The following DCUN1D5 variants were observed in gnomAD, a reference collection of about 807,000 sequenced individuals.
The protein encoded by DCUN1D5 is DCN1-like protein 5.
Under a neutral mutation model 38.3 loss-of-function variants are expected in DCUN1D5, and 10 were observed. The observed-to-expected ratio is 0.26, with a 90% CI of 0.16 to 0.44. The LOEUF is 0.44. Ranked by LOEUF, DCUN1D5 falls within the 20% of genes least tolerant of loss-of-function variation. The pLI, the probability that DCUN1D5 is intolerant of heterozygous loss-of-function variation, is 1.00. For missense variants in DCUN1D5, 148 were observed against 275.3 expected (o/e 0.54, Z 3.27); for synonymous variants, 93 against 90.9 (o/e 1.02, Z -0.13).
rs548369753 is a variant in DCUN1D5 at position 103,087,623 on chromosome 11, G to A, written c.178+1604C>T. Among the ~76,000 whole-genome samples the A allele has an allele frequency of 2.6e-5, 4 of 152,172 alleles. No homozygotes were observed. Among genetic ancestry groups the A allele is most frequent in the Admixed American group, 6.5e-5 (1 of 15,284 alleles). On this transcript the variant is annotated intron_variant, in intron 2 of 7. Coordinates refer to ENST00000260247, the MANE Select transcript of DCUN1D5 (RefSeq NM_032299.4). This position sits in a 1 kb window ranked among gnomAD's most constrained non-coding sequence, Gnocchi z 4.1. ...CATGATCACAGCACTGCGCTCCAGC[G>A]TGGGCGACACAGTGAGACCCTGTCT... is the stretch of plus-strand genomic sequence containing the variant.
chr11:103,065,290 T>C lies in DCUN1D5; in HGVS notation c.556-913A>G, dbSNP rs1369314448. 6.6e-6 allele frequency among the ~76,000 whole-genome samples: 1 copy of C among 152,154 alleles called. No homozygotes were observed. The highest frequency in any genetic ancestry group is 1.5e-5 in the Non-Finnish European group (1 of 68,026). Reference sequence around the variant, plus strand: ...CCTCAGCCTCCCGAGTAGCTGGGACTACAGGCACAAACCACCACACCCAGC... The same window carrying C: ...CCTCAGCCTCCCGAGTAGCTGGGACCACAGGCACAAACCACCACACCCAGC... On this transcript the variant is annotated intron_variant, in intron 6 of 7. Coordinates refer to ENST00000260247, the MANE Select transcript of DCUN1D5 (RefSeq NM_032299.4). This position sits in a 1 kb window ranked among gnomAD's most constrained non-coding sequence, Gnocchi z 4.6.
Position 103,053,374 on chromosome 11 carries a change from A to C in DCUN1D5, c.*8985T>G, listed in dbSNP as rs999515760. On this transcript the variant is annotated 3_prime_UTR_variant, in exon 8 of 8. Transcript: ENST00000260247. The surrounding 1 kb of genome is among the most constrained non-coding windows in gnomAD (Gnocchi z 4.8). Reference sequence around the variant, plus strand: ...TGACATTACAGATTAATTTCCTAAGAGATTTGCATTTCTAAATATGTCTAT... The same window carrying C: ...TGACATTACAGATTAATTTCCTAAGCGATTTGCATTTCTAAATATGTCTAT... The C allele has an allele frequency of 6.6e-6, 1 of 152,132 alleles. No individual in the cohort carries two copies. The highest frequency in any genetic ancestry group is 1.5e-5 in the Non-Finnish European group (1 of 67,966). 9.4% of individuals were successfully genotyped at this position (152,132 alleles called of 1,614,324 possible).
rs1565296935 is a variant in DCUN1D5 at position 103,092,022 on chromosome 11, C to T, written c.-150G>A. Reference sequence around the variant, plus strand: ...CCCGCACCGGCGCGGCCCAGCCCGGCCGCCGCCCGCTCCCAGGTATCCTCG... The same window carrying T: ...CCCGCACCGGCGCGGCCCAGCCCGGTCGCCGCCCGCTCCCAGGTATCCTCG... On this transcript the variant is annotated 5_prime_UTR_variant, in exon 1 of 8. Coordinates refer to ENST00000260247, the MANE Select transcript of DCUN1D5 (RefSeq NM_032299.4). 6 of 660,228 alleles carry T rather than the reference C, an allele frequency of 9.1e-6. 1 individual carries two copies. The allele number at this position is 660,228 out of a possible 1,614,324, so 40.9% of individuals were successfully genotyped here. A position where few individuals can be genotyped will look rare whatever the true frequency, so the allele number is the denominator to read the frequency against.
At chr11:103,072,054 A>G (rs1166169973) in intron 4 of DCUN1D5, among the ~76,000 whole-genome samples, 1 of 151,916 alleles carries the variant, frequency 6.6e-6, no homozygotes, top group Admixed American at 6.6e-5. Flanking sequence ...AAAAAAAAAA[A>G]TAGAGGGGAG....
rs1861971340 is a variant in DCUN1D5 at position 103,059,967 on chromosome 11, AAC to A, written c.*2390_*2391del. ...GCTAACTAGTCAAAAAAGGAACCAC[AAC>A]AGTTAGACTTTTTTATACTGCAGGG... On this transcript the variant is annotated 3_prime_UTR_variant, in exon 8 of 8. Coordinates refer to ENST00000260247, the MANE Select transcript of DCUN1D5 (RefSeq NM_032299.4). Among the ~76,000 whole-genome samples the A allele has an allele frequency of 6.6e-6, 1 of 152,194 alleles. No individual in the cohort carries two copies. The highest frequency in any genetic ancestry group is 2.4e-5 in the African/African-American group (1 of 41,458).
At position 103,091,903 on chromosome 11, in the gene DCUN1D5, G is replaced by T. The variant is rs770287777; in HGVS notation, c.-31C>A. The T allele has an allele frequency of 6.2e-7, 1 of 1,600,478 alleles. No individual in the cohort carries two copies. The highest frequency in any genetic ancestry group is 1.1e-5 in the South Asian group (1 of 89,642). On this transcript the variant is annotated 5_prime_UTR_variant, in exon 1 of 8. Coordinates refer to ENST00000260247, the MANE Select transcript of DCUN1D5 (RefSeq NM_032299.4). This position sits in a 1 kb window ranked among gnomAD's most constrained non-coding sequence, Gnocchi z 4.3. ...GCCCTCCCCGGCAGGGTGGGCAGGGGAGCCGGGGAAGGGGGTCCCTGTCCG... is the reference window on the plus strand; with the variant it reads ...GCCCTCCCCGGCAGGGTGGGCAGGGTAGCCGGGGAAGGGGGTCCCTGTCCG...
In DCUN1D5 at chr11:103,065,024, TA is replaced by T. The variant is rs1368607500; in HGVS notation, c.556-648del. 1.3e-5 allele frequency among the ~76,000 whole-genome samples: 2 copies of T among 152,236 alleles called. No homozygotes were observed. Among genetic ancestry groups the T allele is most frequent in the Non-Finnish European group, 2.9e-5 (2 of 68,036 alleles). On this transcript the variant is annotated intron_variant, in intron 6 of 7. Transcript: ENST00000260247. The surrounding 1 kb of genome is among the most constrained non-coding windows in gnomAD (Gnocchi z 4.6). Reference sequence around the variant, plus strand: ...AGAGCTGAATATTTTTACATTCAGTTAAATTTATTTTTGCCCAAAACTACTA... The same window carrying T: ...AGAGCTGAATATTTTTACATTCAGTTAATTTATTTTTGCCCAAAACTACTA...
chr11:103,064,333 T>C lies in DCUN1D5; in HGVS notation c.600A>G (p.Val200=). The change falls in exon 7 of 8, where the codon GTA becomes GTG. Residue 200 remains valine (V), a synonymous_variant. Coordinates refer to ENST00000260247, the MANE Select transcript of DCUN1D5 (RefSeq NM_032299.4). This position sits in a 1 kb window ranked among gnomAD's most constrained non-coding sequence, Gnocchi z 4.5. The part of the protein sequence containing the change: ...RVMNKDQWYN[V]LEFSRTVHAD... ...CATGGACTGTTCTGCTGAATTCTAA[T>C]ACATTGTACCATTGATCTTTGTTCA... 1.2e-6 allele frequency: 2 copies of C among 1,610,858 alleles called. No homozygotes were observed. Among genetic ancestry groups the C allele is most frequent in the Non-Finnish European group, 1.7e-6 (2 of 1,178,946 alleles).
intron 4 of DCUN1D5, among the ~76,000 whole-genome samples, chr11:103,074,943 GTAAAA>G (rs1488924076): frequency 5.9e-5 from 9 of 152,264 alleles, no homozygotes; most frequent in African/African-American, 2.2e-4. Context: ...TGAGGTTTGT[GTAAAA>G]TTTCTCTATG....
At chr11:103,070,313 T>C (rs1029293637) in intron 4 of DCUN1D5, among the ~76,000 whole-genome samples, 1 of 152,056 alleles carries the variant, frequency 6.6e-6, no homozygotes, top group Admixed American at 6.6e-5. Context: ...TAGAAGAAAC[T>C]TTAACTTCAA....
rs1862077618 is a variant in DCUN1D5 at position 103,064,054 on chromosome 11, T to C, written c.658+221A>G. 6.6e-6 allele frequency among the ~76,000 whole-genome samples: 1 copy of C among 152,144 alleles called. No individual in the cohort carries two copies. Among genetic ancestry groups the C allele is most frequent in the African/African-American group, 2.4e-5 (1 of 41,456 alleles). ...ATAATTTAAATTTAGCTAAAATGTT[T>C]GGTTGCCGAGGAACTGAAAACATTT... On this transcript the variant is annotated intron_variant, in intron 7 of 7. Coordinates refer to ENST00000260247, the MANE Select transcript of DCUN1D5 (RefSeq NM_032299.4). This position sits in a 1 kb window ranked among gnomAD's most constrained non-coding sequence, Gnocchi z 4.5.
In DCUN1D5 at chr11:103,064,738, A is replaced by G. The variant is rs1033893519; in HGVS notation, c.556-361T>C. 2.0e-5 allele frequency among the ~76,000 whole-genome samples: 3 copies of G among 152,172 alleles called. No homozygotes were observed. Among genetic ancestry groups the G allele is most frequent in the African/African-American group, 7.2e-5 (3 of 41,444 alleles). On this transcript the variant is annotated intron_variant, in intron 6 of 7. Coordinates refer to ENST00000260247, the MANE Select transcript of DCUN1D5 (RefSeq NM_032299.4). The surrounding 1 kb of genome is among the most constrained non-coding windows in gnomAD (Gnocchi z 4.5). ...TTCCTAGTAAATCATTTCTTTGCTC[A>G]AGATTTACTGTTTAGCCACATTTTG...
Position 103,075,987 on chromosome 11 carries a change from T to C in DCUN1D5, c.341+6761A>G, listed in dbSNP as rs1424754618. Among the ~76,000 whole-genome samples, 3 of 152,228 alleles carry C rather than the reference T, an allele frequency of 2.0e-5. No individual in the cohort carries two copies. In the South Asian group the frequency reaches 6.2e-4, roughly 32 times the overall value. On this transcript the variant is annotated intron_variant, in intron 4 of 7. Transcript: ENST00000260247. ...CATGGGGATATGCAAAGCAAATTTCTCAGATTACATGCCACTATAATGTTT... is the reference window on the plus strand; with the variant it reads ...CATGGGGATATGCAAAGCAAATTTCCCAGATTACATGCCACTATAATGTTT...
In DCUN1D5 at chr11:103,087,403, C is replaced by T. The variant is rs1862740436; in HGVS notation, c.178+1824G>A. 1.3e-5 allele frequency among the ~76,000 whole-genome samples: 2 copies of T among 152,096 alleles called. No homozygotes were observed. The highest frequency in any genetic ancestry group is 1.3e-4 in the Admixed American group (2 of 15,274). ...ACCAGGATGGTCTCGATCTCCTGACCTCGTGATCTGCCTACCTTGGCCTCC... is the reference window on the plus strand; with the variant it reads ...ACCAGGATGGTCTCGATCTCCTGACTTCGTGATCTGCCTACCTTGGCCTCC... On this transcript the variant is annotated intron_variant, in intron 2 of 7. Coordinates refer to ENST00000260247, the MANE Select transcript of DCUN1D5 (RefSeq NM_032299.4). The surrounding 1 kb of genome is among the most constrained non-coding windows in gnomAD (Gnocchi z 4.1).
rs1862278856 is a variant in DCUN1D5 at position 103,071,779 on chromosome 11, T to C, written c.342-5212A>G. On this transcript the variant is annotated intron_variant, in intron 4 of 7. Coordinates refer to ENST00000260247, the MANE Select transcript of DCUN1D5 (RefSeq NM_032299.4). This position sits in a 1 kb window ranked among gnomAD's most constrained non-coding sequence, Gnocchi z 4.1. ...TTATTAACGAAATTGAACTCAAAAT[T>C]TTTAAACTTTCAAAAAAGAAACTCC... Among the ~76,000 whole-genome samples the C allele has an allele frequency of 6.6e-6, 1 of 151,078 alleles. No individual in the cohort carries two copies. The highest frequency in any genetic ancestry group is 1.5e-5 in the Non-Finnish European group (1 of 67,692).
At position 103,058,176 on chromosome 11, in the gene DCUN1D5, C is replaced by T. The variant is rs1363878799; in HGVS notation, c.*4183G>A. The stretch of plus-strand genomic sequence containing the variant: ...ATTTAACACATGGTAAATCAGAAAC[C>T]ATGTAAAAATGAGCCATATTATAAG... On this transcript the variant is annotated 3_prime_UTR_variant, in exon 8 of 8. Coordinates refer to ENST00000260247, the MANE Select transcript of DCUN1D5 (RefSeq NM_032299.4). Among the ~76,000 whole-genome samples, 3 of 150,036 alleles carry T rather than the reference C, an allele frequency of 2.0e-5. No individual in the cohort carries two copies. Among genetic ancestry groups the T allele is most frequent in the African/African-American group, 7.4e-5 (3 of 40,716 alleles).
At position 103,052,045 on chromosome 11, in the gene DCUN1D5, G is replaced by C. The variant is rs1861753081; in HGVS notation, c.*10314C>G. 1 of 152,190 alleles carries C rather than the reference G, an allele frequency of 6.6e-6. No individual in the cohort carries two copies. Among genetic ancestry groups the C allele is most frequent in the African/African-American group, 2.4e-5 (1 of 41,440 alleles). 9.4% of individuals were successfully genotyped at this position (152,190 alleles called of 1,614,324 possible). ...CACTAACTCAGAAAATGCTTAGTGA[G>C]ATCTGTCTTTAATTATGAAATAATT... On this transcript the variant is annotated 3_prime_UTR_variant, in exon 8 of 8. Transcript: ENST00000260247.
chr11:103,069,892 G>C (rs552452283), intron 4 of DCUN1D5, among the ~76,000 whole-genome samples: 1 of 152,178 alleles, frequency 6.6e-6, no homozygotes, highest in South Asian at 2.1e-4. Context: ...CAGAGATCCA[G>C]AGTTTCATAA....
At chr11:103,079,003 G>A (rs539108362) in intron 4 of DCUN1D5, among the ~76,000 whole-genome samples, 21 of 152,296 alleles carry the variant, frequency 1.4e-4, no homozygotes, top group Non-Finnish European at 3.1e-4. Context: ...ACCAGCCTGT[G>A]GCCTGTTAGA....
Sources: gnomAD v4.1 joint callset for allele counts (sites outside exome capture counted in the v4.1 genomes callset) on GRCh38, gnomAD v4.1.1 for gene constraint, Gnocchi (gnomAD v3.1) non-coding constraint, MANE v1.5 for transcripts, NCBI Gene and HGNC (gene_info 2026-07-23, HGNC 2026-07-21) for gene names.